Variants in CTNNA2 observed in about 807,000 individuals in gnomAD.
CTNNA2 encodes catenin alpha-2.
Under a neutral mutation model 101.0 loss-of-function variants are expected in CTNNA2, and 42 were observed. The ratio of observed to expected loss-of-function variants is 0.42; its 90% CI spans 0.32 to 0.54. The LOEUF (loss-of-function observed/expected upper bound fraction) is 0.54. Ranked by LOEUF, CTNNA2 falls within the 20% of genes least tolerant of loss-of-function variation. The pLI, the probability that CTNNA2 is intolerant of heterozygous loss-of-function variation, is 0.14. For synonymous variants in CTNNA2, 450 were observed against 456.4 expected (o/e 0.99, Z 0.18); for missense variants, 871 against 1,223.1 (o/e 0.71, Z 4.29).
chr2:79,740,699 G>A (rs528145466), intron 2 of CTNNA2, among the ~76,000 whole-genome samples: 13 of 152,254 alleles, frequency 8.5e-5, no homozygotes, highest in South Asian at 8.3e-4. Context: ...TTATTTTGTC[G>A]TTTAGCAGCC....
chr2:79,595,852 T>C (rs1677156362), intron 1 of CTNNA2, among the ~76,000 whole-genome samples: 1 of 151,466 alleles, frequency 6.6e-6, no homozygotes, highest in East Asian at 2.0e-4. Context: ...TTTTAGATGG[T>C]TTCCAACTGC....
chr2:79,512,872 C>T (rs1573209773), upstream of CTNNA2: 1 of 151,564 alleles, frequency 6.6e-6, no homozygotes, highest in East Asian at 2.0e-4. Context: ...GCCGCGGAGC[C>T]ACGGGGACCG....
At chr2:80,094,488 G>A (rs1459748802) in intron 7 of CTNNA2, among the ~76,000 whole-genome samples, 1 of 152,128 alleles carries the variant, frequency 6.6e-6, no homozygotes, top group Admixed American at 6.5e-5. Flanking sequence ...TGGCAATGCG[G>A]GCTCTTTTTT....
chr2:80,025,391 A>G (rs1331542927), intron 7 of CTNNA2, among the ~76,000 whole-genome samples: 2 of 152,204 alleles, frequency 1.3e-5, no homozygotes, highest in African/African-American at 4.8e-5. Context: ...ATAGGAAGGA[A>G]CATAGAGGAA....
intron 9 of CTNNA2, among the ~76,000 whole-genome samples, chr2:80,468,432 T>A (rs550433023): frequency 2.4e-3 from 368 of 150,208 alleles, no homozygotes; most frequent in African/African-American, 3.9e-3. Context: ...TTATTTATTT[T>A]TTTTGAGATG....
intron 2 of CTNNA2, among the ~76,000 whole-genome samples, chr2:79,678,192 C>T (rs929773331): frequency 2.6e-5 from 4 of 152,046 alleles, no homozygotes; most frequent in African/African-American, 7.3e-5. Flanking sequence ...CCCAGCTGAT[C>T]GACTCCTAAT....
intron 18 of CTNNA2, among the ~76,000 whole-genome samples, chr2:80,635,106 G>A (rs903540794): frequency 2.0e-5 from 3 of 152,104 alleles, no homozygotes; most frequent in Non-Finnish European, 4.4e-5. Context: ...TAATAGAATG[G>A]TTACAACTCA....
intron 6 of CTNNA2, among the ~76,000 whole-genome samples, chr2:79,889,485 T>C (rs1684155083): frequency 6.6e-6 from 1 of 152,212 alleles, no homozygotes. Context: ...CTGGTTACAT[T>C]GGCCATGCTA....
intron 7 of CTNNA2, among the ~76,000 whole-genome samples, chr2:80,368,647 A>G (rs563614199): frequency 3.8e-4 from 58 of 152,170 alleles, no homozygotes; most frequent in Middle Eastern, 3.4e-3. Flanking sequence ...TACATGATAC[A>G]GATGTTCTGG....
intron 2 of CTNNA2, among the ~76,000 whole-genome samples, chr2:79,670,202 A>G (rs563627524): frequency 1.3e-5 from 2 of 152,290 alleles, no homozygotes; most frequent in South Asian, 4.1e-4. Context: ...CCCGGCTCCT[A>G]GTTGCTTCCT....
chr2:79,493,125 A>T (rs1671220574), intron 4 of CTNNA2, among the ~76,000 whole-genome samples: 1 of 152,184 alleles, frequency 6.6e-6, no homozygotes, highest in African/African-American at 2.4e-5. Flanking sequence ...CAAGACAAGG[A>T]TAACTGCTCT....
intron 9 of CTNNA2, among the ~76,000 whole-genome samples, chr2:80,542,020 C>G (rs1239584978): frequency 1.3e-5 from 2 of 151,172 alleles, no homozygotes; most frequent in African/African-American, 2.4e-5. Flanking sequence ...CATTTCTACC[C>G]ATTTCCCCAA....
At chr2:80,434,485 CTTTTTTTTTTTT>C (rs1169944635) in intron 9 of CTNNA2, among the ~76,000 whole-genome samples, 2 of 89,962 alleles carry the variant, frequency 2.2e-5, no homozygotes, top group African/African-American at 5.1e-5. Flanking sequence ...TTCTGTGTCT[CTTTTTTTTTTTT>C]TTTTTTTTTT....
At position 79,529,715 on chromosome 2, in the gene CTNNA2, A is replaced by C. The variant is rs200707219; in HGVS notation, c.-6+16508A>C. 1.4e-3 allele frequency among the ~76,000 whole-genome samples: 77 copies of C among 54,504 alleles called. 1 individual carries two copies. Among genetic ancestry groups the C allele is most frequent in the African/African-American group, 3.2e-3 (73 of 23,108 alleles). 35.8% of individuals were successfully genotyped at this position (54,504 alleles called of 152,430 possible). ...AAGAAAACACACTTGGAAAAGAAAT[A>C]TGTTACTCCTACTTTTAGCTTTTGG... On this transcript the variant is annotated intron_variant, in intron 1 of 18. Transcript: ENST00000402739.
chr2:80,192,076 CA>C (rs755421499), intron 7 of CTNNA2, among the ~76,000 whole-genome samples: 8 of 152,162 alleles, frequency 5.3e-5, no homozygotes, highest in South Asian at 4.1e-4. Flanking sequence ...TGGGATTTTT[CA>C]TCTTCAAAAA....
At chr2:80,041,546 G>T (rs1696056673) in intron 7 of CTNNA2, among the ~76,000 whole-genome samples, 1 of 152,106 alleles carries the variant, frequency 6.6e-6, no homozygotes, top group Admixed American at 6.6e-5. Context: ...ATTTTGAAAT[G>T]ACTTTTCCCC....
intron 2 of CTNNA2, among the ~76,000 whole-genome samples, chr2:79,652,189 T>C (rs905614746): frequency 6.6e-6 from 1 of 152,242 alleles, no homozygotes; most frequent in African/African-American, 2.4e-5. Flanking sequence ...TTTTAGTGTC[T>C]TGTTAAGCAT....
At chr2:79,186,585 A>G (rs972521878) in intron 1 of CTNNA2, among the ~76,000 whole-genome samples, 2 of 152,224 alleles carry the variant, frequency 1.3e-5, no homozygotes, top group African/African-American at 4.8e-5. Context: ...TATCAGGAAA[A>G]TTGTTAGGTA....
chr2:79,792,165 G>A (rs1346835267), intron 3 of CTNNA2, among the ~76,000 whole-genome samples: 8 of 151,982 alleles, frequency 5.3e-5, no homozygotes, highest in African/African-American at 1.9e-4. Flanking sequence ...GCTTTCTGAG[G>A]TCTTGTGTTA....
Sources: gnomAD v4.1 joint callset for allele counts (sites outside exome capture counted in the v4.1 genomes callset) on GRCh38, gnomAD v4.1.1 for gene constraint, MANE v1.5 for transcripts, NCBI Gene and HGNC (gene_info 2026-07-23, HGNC 2026-07-21) for gene names.